Variants in SLC23A1 observed in about 807,000 individuals in gnomAD.
SLC23A1 encodes the protein solute carrier family 23 member 1, also known as Na(+)/L-ascorbic acid transporter 1.
SLC23A1 carries 31 observed loss-of-function variants against 62.5 expected under a neutral mutation model. The observed-to-expected ratio is 0.50, with a 90% CI of 0.37 to 0.67. The LOEUF (loss-of-function observed/expected upper bound fraction) is 0.67, where lower values mean the gene tolerates loss of function less well. Among genes scored for constraint, SLC23A1 ranks in the 30% least tolerant of loss-of-function variants. The probability of loss-of-function intolerance (pLI) is 0.00; values close to 1 mark genes in which losing one functional copy is unlikely to be tolerated. For missense variants in SLC23A1, 640 were observed against 782.7 expected (o/e 0.82, Z 2.18); for synonymous variants, 271 against 313.2 (o/e 0.87, Z 1.42).
chr5:139,373,273 A>G (rs1757776646), intron 13 of SLC23A1, among the ~76,000 whole-genome samples: 1 of 151,660 alleles, frequency 6.6e-6, no homozygotes, highest in Admixed American at 6.6e-5. Flanking sequence ...TGCCTCCCAG[A>G]TGCAAGCGAT....
chr5:139,375,835 C>CA (rs59400871), intron 13 of SLC23A1, among the ~76,000 whole-genome samples: 134,674 of 147,396 alleles, frequency 0.91, 61,892 homozygotes, highest in South Asian at 0.97. Context: ...GACTCCATCT[C>CA]AAAAAAAAAA....
intron 13 of SLC23A1, among the ~76,000 whole-genome samples, chr5:139,373,416 G>A (rs1343872616): frequency 6.6e-6 from 1 of 152,156 alleles, no homozygotes; most frequent in African/African-American, 2.4e-5. Flanking sequence ...CTGACCTCAA[G>A]TGATCAGCCC....
At chr5:139,380,099 G>A in intron 6 of SLC23A1, 23 bp from the exon 7 acceptor site, 1 of 1,597,598 alleles carries the variant, frequency 6.3e-7, no homozygotes, top group Admixed American at 1.8e-5. Flanking sequence ...GCACAATCAG[G>A]AAGTGGATGG....
intron 13 of SLC23A1, among the ~76,000 whole-genome samples, chr5:139,375,396 T>G (rs1311761501): frequency 6.6e-6 from 1 of 152,218 alleles, no homozygotes; most frequent in Non-Finnish European, 1.5e-5. Flanking sequence ...AGATGGTATA[T>G]AGCATGCACC....
chr5:139,383,013 A>G (rs1282724208), intron 1 of SLC23A1, among the ~76,000 whole-genome samples: 1 of 152,016 alleles, frequency 6.6e-6, no homozygotes. Flanking sequence ...CTGAACCCCA[A>G]CCTGGAGTCA....
intron 14 of SLC23A1, among the ~76,000 whole-genome samples, chr5:139,371,075 CTG>C (rs917653890): frequency 6.6e-6 from 1 of 151,864 alleles, no homozygotes; most frequent in Non-Finnish European, 1.5e-5. Context: ...GAGCAAGACT[CTG>C]TCTCAAAAAA....
intron 14 of SLC23A1, among the ~76,000 whole-genome samples, chr5:139,369,988 T>G (rs1757553717): frequency 6.6e-6 from 1 of 152,226 alleles, no homozygotes; most frequent in Admixed American, 6.5e-5. Flanking sequence ...CTGACCAATA[T>G]GATGGTGACC....
At chr5:139,373,756 G>A (rs545450537) in intron 13 of SLC23A1, among the ~76,000 whole-genome samples, 2 of 150,920 alleles carry the variant, frequency 1.3e-5, no homozygotes, top group Non-Finnish European at 2.9e-5. Context: ...GCTCTACAAA[G>A]GGCACACACA....
chr5:139,384,234 C>T, upstream of SLC23A1: 1 of 771,106 alleles, frequency 1.3e-6, no homozygotes, highest in Non-Finnish European at 1.8e-6. Flanking sequence ...CCTGAGATGG[C>T]AGAGGGGGAC....
chr5:139,372,320 C>CCAGT (rs1757714707), intron 13 of SLC23A1, 67 bp from the exon 14 acceptor site: 3 of 1,476,344 alleles, frequency 2.0e-6, no homozygotes, highest in Middle Eastern at 2.4e-4. Flanking sequence ...TTCCCATAAC[C>CCAGT]CAGTCCTAAG....
chr5:139,383,492 G>T, upstream of SLC23A1: 1 of 628,438 alleles, frequency 1.6e-6, no homozygotes, highest in Non-Finnish European at 2.0e-6. Flanking sequence ...ATCTGCGCCT[G>T]GGCGCTGGAC....
intron 14 of SLC23A1, among the ~76,000 whole-genome samples, chr5:139,371,467 C>T (rs1405624527): frequency 4.6e-5 from 7 of 152,192 alleles, no homozygotes; most frequent in Admixed American, 4.6e-4. Context: ...AAAGTGTCAC[C>T]TCATCAGGGC....
At chr5:139,383,821 A>G (rs1231860359), upstream of SLC23A1, among the ~76,000 whole-genome samples, 1 of 152,240 alleles carries the variant, frequency 6.6e-6, no homozygotes, top group Non-Finnish European at 1.5e-5. Context: ...GACCCAAGCC[A>G]TGCAGATAGC....
upstream of SLC23A1, chr5:139,383,336 T>C: frequency 1.3e-6 from 2 of 1,567,138 alleles, no homozygotes; most frequent in Non-Finnish European, 1.7e-6. Flanking sequence ...TTACTCCACA[T>C]ATCAGGCATT....
upstream of SLC23A1, chr5:139,384,702 A>C: frequency 8.4e-7 from 1 of 1,191,990 alleles, no homozygotes; most frequent in South Asian, 1.5e-5. Context: ...ATAGAGAACA[A>C]GGTGGAGAAC....
chr5:139,373,152 TTG>T (rs1491166035), intron 13 of SLC23A1, among the ~76,000 whole-genome samples: 5 of 102,948 alleles, frequency 4.9e-5, no homozygotes, highest in Admixed American at 1.0e-4. Context: ...ACCAAATAAT[TTG>T]TTTTTTTGTG....
At chr5:139,381,684 C>T (rs1362752547) in intron 3 of SLC23A1, among the ~76,000 whole-genome samples, 1 of 151,322 alleles carries the variant, frequency 6.6e-6, no homozygotes, top group Non-Finnish European at 1.5e-5. Context: ...CTTGCAGATG[C>T]CTGGTCTTTG....
At chr5:139,372,368 T>C in intron 13 of SLC23A1, 115 bp from the exon 14 acceptor site, 4 of 1,032,576 alleles carry the variant, frequency 3.9e-6, no homozygotes, top group Non-Finnish European at 5.6e-6. Flanking sequence ...TTAACTATCA[T>C]TTGGTCCTAA....
chr5:139,374,241 T>A lies in SLC23A1; in HGVS notation c.1550-1988A>T, dbSNP rs148614146. ...GAACTAAACGGACTGCCCTCTAAGGTTGGGCTCTGGATAGGTAAAGACAAA... is the reference window on the plus strand; with the variant it reads ...GAACTAAACGGACTGCCCTCTAAGGATGGGCTCTGGATAGGTAAAGACAAA... On this transcript the variant is annotated intron_variant, in intron 13 of 14. Coordinates refer to ENST00000348729, the MANE Select transcript of SLC23A1 (RefSeq NM_005847.5). Among the ~76,000 whole-genome samples the A allele has an allele frequency of 1.8e-3, 268 of 152,318 alleles. 4 individuals are homozygous for A. Among genetic ancestry groups the A allele is most frequent in the East Asian group, 0.016 (84 of 5,186 alleles).
Sources: allele counts gnomAD v4.1 joint callset (sites outside exome capture counted in the v4.1 genomes callset), GRCh38; gene constraint gnomAD v4.1.1; transcripts MANE v1.5; gene names NCBI Gene and HGNC (gene_info 2026-07-23, HGNC 2026-07-21).